ZFPM2: variants seen among roughly 807,000 people sequenced by gnomAD.
The protein encoded by ZFPM2 is zinc finger protein ZFPM2.
Under a neutral mutation model 98.6 loss-of-function variants are expected in ZFPM2, and 20 were observed. The observed-to-expected ratio is 0.20, with a 90% confidence interval of 0.14 to 0.29. The LOEUF (loss-of-function observed/expected upper bound fraction) is 0.29. Ranked by LOEUF, ZFPM2 falls within the 10% of genes least tolerant of loss-of-function variation. The probability of loss-of-function intolerance (pLI) is 1.00; values close to 1 mark genes in which losing one functional copy is unlikely to be tolerated. For missense variants in ZFPM2, 1,310 were observed against 1,388.6 expected, an observed-to-expected ratio of 0.94 and a Z score of 0.90; for synonymous variants, 518 against 502.7, an observed-to-expected ratio of 1.03 and a Z score of -0.41.
chr8:105,391,643 G>A (rs1483123470), intron 1 of ZFPM2, among the ~76,000 whole-genome samples: 1 of 152,172 alleles, frequency 6.6e-6, no homozygotes, highest in African/African-American at 2.4e-5. Flanking sequence ...TGTACCAGAA[G>A]TAGATTCTAT....
intron 5 of ZFPM2, among the ~76,000 whole-genome samples, chr8:105,787,980 G>T (rs1161261819): frequency 6.6e-6 from 1 of 152,166 alleles, no homozygotes; most frequent in East Asian, 1.9e-4. Context: ...ATATCTCAGT[G>T]TTTGAAGAGA....
At chr8:105,390,513 G>A (rs1428060414) in intron 1 of ZFPM2, among the ~76,000 whole-genome samples, 1 of 152,112 alleles carries the variant, frequency 6.6e-6, no homozygotes, top group Non-Finnish European at 1.5e-5. Flanking sequence ...GTGTATAGCA[G>A]CTTTGTTGGT....
intron 3 of ZFPM2, among the ~76,000 whole-genome samples, chr8:105,486,513 G>C (rs1374346204): frequency 6.6e-6 from 1 of 151,916 alleles, no homozygotes; most frequent in Non-Finnish European, 1.5e-5. Context: ...CTTGATAACT[G>C]TCCTAGGTAT....
intron 5 of ZFPM2, among the ~76,000 whole-genome samples, chr8:105,757,354 C>T (rs1038156399): frequency 3.3e-5 from 5 of 152,060 alleles, no homozygotes; most frequent in East Asian, 1.9e-4. Context: ...TTTAAAGACT[C>T]ATTCAGTCTG....
chr8:105,629,121 G>A (rs1454873153), intron 4 of ZFPM2, among the ~76,000 whole-genome samples: 1 of 152,158 alleles, frequency 6.6e-6, no homozygotes, highest in African/African-American at 2.4e-5. Flanking sequence ...TGCAAGAGGT[G>A]GAAAACAGCA....
At chr8:105,671,652 GT>G (rs560990213) in intron 5 of ZFPM2, among the ~76,000 whole-genome samples, 3 of 150,724 alleles carry the variant, frequency 2.0e-5, no homozygotes, top group African/African-American at 7.3e-5. Flanking sequence ...TAAATAGGTG[GT>G]TTTTTTTTAC....
chr8:105,619,390 G>T (rs977340443), intron 4 of ZFPM2, among the ~76,000 whole-genome samples: 2 of 151,678 alleles, frequency 1.3e-5, no homozygotes, highest in African/African-American at 4.8e-5. Context: ...TTAATATATT[G>T]TGAACATCTT....
chr8:105,420,319 T>G (rs1176707295), intron 2 of ZFPM2, among the ~76,000 whole-genome samples: 3 of 152,208 alleles, frequency 2.0e-5, no homozygotes, highest in African/African-American at 7.2e-5. Context: ...TTCACATATC[T>G]TGGTGGCCAT....
intron 4 of ZFPM2, among the ~76,000 whole-genome samples, chr8:105,595,771 T>A (rs554759665): frequency 6.6e-6 from 1 of 152,238 alleles, no homozygotes; most frequent in East Asian, 1.9e-4. Flanking sequence ...CCAACATTTT[T>A]TATCTCCTTC....
chr8:105,739,083 A>G (rs1476876789), intron 5 of ZFPM2, among the ~76,000 whole-genome samples: 1 of 152,100 alleles, frequency 6.6e-6, no homozygotes, highest in Non-Finnish European at 1.5e-5. Context: ...GCAAAAAGAA[A>G]TAAATAAGTG....
chr8:105,363,580 G>A (rs185878155), intron 1 of ZFPM2, among the ~76,000 whole-genome samples: 25 of 152,160 alleles, frequency 1.6e-4, no homozygotes, highest in African/African-American at 3.6e-4. Flanking sequence ...TAAAGAATGC[G>A]TCTTAGATTC....
intron 1 of ZFPM2, among the ~76,000 whole-genome samples, chr8:105,396,612 G>A (rs1252868056): frequency 2.0e-5 from 3 of 152,112 alleles, no homozygotes; most frequent in Non-Finnish European, 4.4e-5. Flanking sequence ...AGGAAAAGAG[G>A]TTCTTAATCT....
chr8:105,471,277 C>G lies in ZFPM2; in HGVS notation c.301+26896C>G, dbSNP rs1240604468. On this transcript the variant is annotated intron_variant, in intron 3 of 7. Transcript: ENST00000407775. ...CTAGTATACATTTATTGAGTGCTTA[C>G]TAGATTTGGGGCCACAAAGATGACA... 2.0e-5 allele frequency among the ~76,000 whole-genome samples: 3 copies of G among 152,190 alleles called. No individual in the cohort carries two copies. The East Asian group carries it at 5.8e-4, about 29-fold the overall frequency.
chr8:105,489,444 G>C (rs1347084517), intron 3 of ZFPM2, among the ~76,000 whole-genome samples: 1 of 123,142 alleles, frequency 8.1e-6, no homozygotes, highest in African/African-American at 3.5e-5. Flanking sequence ...ATAGATATAT[G>C]TTTTTATATA....
intron 5 of ZFPM2, among the ~76,000 whole-genome samples, chr8:105,675,696 C>T (rs1444081193): frequency 2.0e-5 from 3 of 151,990 alleles, no homozygotes; most frequent in Admixed American, 6.6e-5. Flanking sequence ...ATTTCAGAGG[C>T]GGAGATTGTC....
chr8:105,660,520 AT>A (rs1817367484), intron 5 of ZFPM2, among the ~76,000 whole-genome samples: 1 of 152,232 alleles, frequency 6.6e-6, no homozygotes, highest in Non-Finnish European at 1.5e-5. Context: ...GTGTAAAAAA[AT>A]GCCTTTGACA....
rs757690098 is a variant in ZFPM2 at position 105,655,010 on chromosome 8, A to C, written c.532+20653A>C. On this transcript the variant is annotated intron_variant, in intron 5 of 7. Coordinates refer to ENST00000407775, the MANE Select transcript of ZFPM2 (RefSeq NM_012082.4). Reference sequence around the variant, plus strand: ...TAGTACTCAGACAGATTCCCAAATAAACTATTAATTTTAGATTGCAACTTA... The same window carrying C: ...TAGTACTCAGACAGATTCCCAAATACACTATTAATTTTAGATTGCAACTTA... Among the ~76,000 whole-genome samples, 66 of 152,144 alleles carry C rather than the reference A, an allele frequency of 4.3e-4. 2 individuals carry two copies. Among genetic ancestry groups the C allele is most frequent in the Non-Finnish European group, 1.0e-4 (7 of 68,026 alleles).
rs141470289 is a variant in ZFPM2, at chr8:105,734,067, A to G, written c.533-54651A>G. 7.6e-4 allele frequency among the ~76,000 whole-genome samples: 116 copies of G among 151,980 alleles called. No homozygotes were observed. In the Middle Eastern group the frequency reaches 0.02, roughly 27 times the overall value. On this transcript the variant is annotated intron_variant, in intron 5 of 7. Coordinates refer to ENST00000407775, the MANE Select transcript of ZFPM2 (RefSeq NM_012082.4). ...TCATGGTATACTGCCCTTGACTGCC[A>G]ACACTCCTTTCTCTCATATATCCTC...
chr8:105,708,804 A>C (rs536017711), intron 5 of ZFPM2, among the ~76,000 whole-genome samples: 23 of 152,278 alleles, frequency 1.5e-4, no homozygotes, highest in African/African-American at 5.5e-4. Context: ...TTGAGTAGGA[A>C]GAATACAAAA....
Sources: gnomAD v4.1 joint callset for allele counts (sites outside exome capture counted in the v4.1 genomes callset) on GRCh38, gnomAD v4.1.1 for gene constraint, MANE v1.5 for transcripts, NCBI Gene and HGNC (gene_info 2026-07-23, HGNC 2026-07-21) for gene names.